DLG2: variants seen among roughly 807,000 people sequenced by gnomAD.
DLG2 encodes disks large homolog 2.
Under a neutral mutation model 132.5 loss-of-function variants are expected in DLG2, and 45 were observed. The ratio of observed to expected loss-of-function variants is 0.34; its 90% confidence interval spans 0.27 to 0.44. DLG2 has a LOEUF of 0.44. Ranked by LOEUF, DLG2 falls within the 20% of genes least tolerant of loss-of-function variation. DLG2 has a pLI of 1.00. For missense variants in DLG2, 1,045 were observed against 1,196.9 expected, an observed-to-expected ratio of 0.87 and a Z score of 1.87; for synonymous variants, 424 against 419.6, an observed-to-expected ratio of 1.01 and a Z score of -0.13.
At chr11:84,806,731 G>A (rs978113271) in intron 6 of DLG2, among the ~76,000 whole-genome samples, 6 of 152,028 alleles carry the variant, frequency 3.9e-5, no homozygotes, top group Admixed American at 1.3e-4. Flanking sequence ...AGAATGCTTC[G>A]AACATCAAAA....
chr11:84,591,742 C>T (rs2099543891), intron 6 of DLG2, among the ~76,000 whole-genome samples: 1 of 152,084 alleles, frequency 6.6e-6, no homozygotes, highest in Non-Finnish European at 1.5e-5. Context: ...CCCAACTTTG[C>T]TACACTTAGA....
chr11:84,181,873 T>C (rs191298382), intron 8 of DLG2, among the ~76,000 whole-genome samples: 4 of 152,160 alleles, frequency 2.6e-5, no homozygotes, highest in Non-Finnish European at 5.9e-5. Flanking sequence ...AGTGCCAAAA[T>C]ACATGGGGGT....
At chr11:84,328,907 T>A (rs957993711) in intron 7 of DLG2, among the ~76,000 whole-genome samples, 1 of 152,236 alleles carries the variant, frequency 6.6e-6, no homozygotes, top group Non-Finnish European at 1.5e-5. Flanking sequence ...TATTTATGCA[T>A]TTTATTCAAT....
chr11:83,699,831 A>G (rs1030921910), intron 18 of DLG2, among the ~76,000 whole-genome samples: 3 of 151,398 alleles, frequency 2.0e-5, no homozygotes. Context: ...CTATCTATCT[A>G]TCTATCTTTC....
intron 3 of DLG2, among the ~76,000 whole-genome samples, chr11:85,568,648 T>C (rs534211007): frequency 2.0e-5 from 3 of 152,316 alleles, no homozygotes; most frequent in Admixed American, 6.5e-5. Flanking sequence ...TGGCAAATTA[T>C]GTGTTTCTAA....
chr11:84,192,402 T>A (rs2096429165), intron 8 of DLG2, among the ~76,000 whole-genome samples: 1 of 152,178 alleles, frequency 6.6e-6, no homozygotes, highest in African/African-American at 2.4e-5. Context: ...TGGGCCTTTT[T>A]ATAATGAGAT....
intron 7 of DLG2, among the ~76,000 whole-genome samples, chr11:84,449,916 C>G (rs1032314029): frequency 6.6e-6 from 1 of 151,688 alleles, no homozygotes; most frequent in Non-Finnish European, 1.5e-5. Flanking sequence ...ATGGTTGATA[C>G]TGAAGTTACA....
At chr11:85,324,492 G>C (rs111562730) in intron 3 of DLG2, among the ~76,000 whole-genome samples, 4,590 of 152,214 alleles carry the variant, frequency 0.03, 93 homozygotes, top group Middle Eastern at 0.071. Flanking sequence ...AAAATCATCT[G>C]AACATCTGAT....
intron 4 of DLG2, among the ~76,000 whole-genome samples, chr11:85,157,156 G>T (rs2077645929): frequency 6.6e-6 from 1 of 152,144 alleles, no homozygotes; most frequent in Non-Finnish European, 1.5e-5. Context: ...TCCTGCCCTT[G>T]AACATTGGAC....
chr11:83,587,446 T>G (rs1209947023), intron 19 of DLG2, among the ~76,000 whole-genome samples: 1 of 152,160 alleles, frequency 6.6e-6, no homozygotes, highest in South Asian at 2.1e-4. Context: ...TTTTTTTATA[T>G]TTTTAACAGA....
intron 14 of DLG2, among the ~76,000 whole-genome samples, chr11:83,955,838 G>A (rs912998054): frequency 1.3e-5 from 2 of 152,246 alleles, no homozygotes; most frequent in South Asian, 4.1e-4. Context: ...TCAAACAATA[G>A]ACTCCAAGTT....
intron 18 of DLG2, among the ~76,000 whole-genome samples, chr11:83,753,737 T>C (rs937423266): frequency 2.2e-5 from 3 of 138,478 alleles, no homozygotes; most frequent in Non-Finnish European, 3.1e-5. Context: ...ATATATATGA[T>C]ATATATATAT....
At chr11:85,119,229 AT>A (rs1273255688) in intron 5 of DLG2, among the ~76,000 whole-genome samples, 1 of 152,030 alleles carries the variant, frequency 6.6e-6, no homozygotes, top group African/African-American at 2.4e-5. Flanking sequence ...AGATAACTAA[AT>A]TTGGGAGCCA....
At chr11:84,128,907 T>G (rs2094299433) in intron 9 of DLG2, among the ~76,000 whole-genome samples, 1 of 152,148 alleles carries the variant, frequency 6.6e-6, no homozygotes, top group African/African-American at 2.4e-5. Context: ...ATAGATCACC[T>G]TTTTTGGCAT....
rs184126180 is a variant in DLG2, at chr11:84,826,976, G to C, written c.357+284685C>G. Reference sequence around the variant, plus strand: ...CTAACAAGGTTTTTCTGTGTGACAGGGGAGAGACTGGATTGAAGAGTATTA... The same window carrying C: ...CTAACAAGGTTTTTCTGTGTGACAGCGGAGAGACTGGATTGAAGAGTATTA... On this transcript the variant is annotated intron_variant, in intron 6 of 27. Coordinates refer to ENST00000376104, the MANE Select transcript of DLG2 (RefSeq NM_001142699.3). Among the ~76,000 whole-genome samples the C allele has an allele frequency of 4.9e-4, 74 of 151,854 alleles. 2 individuals are homozygous for C. The highest frequency in any genetic ancestry group is 1.6e-4 in the Non-Finnish European group (11 of 67,840).
At chr11:84,990,827 C>T (rs2057017768) in intron 6 of DLG2, among the ~76,000 whole-genome samples, 1 of 152,000 alleles carries the variant, frequency 6.6e-6, no homozygotes, top group Non-Finnish European at 1.5e-5. Flanking sequence ...TCTTTGACAA[C>T]TAAACATGCA....
chr11:84,714,595 T>TTC (rs1351118874), intron 6 of DLG2, among the ~76,000 whole-genome samples: 1,834 of 103,420 alleles, frequency 0.018, 80 homozygotes, highest in African/African-American at 0.048. Context: ...CTCTTTCTCT[T>TTC]TCTTTCTCTT....
chr11:85,323,303 A>G (rs944088997), intron 3 of DLG2, among the ~76,000 whole-genome samples: 2 of 152,246 alleles, frequency 1.3e-5, no homozygotes, highest in African/African-American at 4.8e-5. Flanking sequence ...AAAAGTTAAC[A>G]CCATAAACTT....
intron 6 of DLG2, among the ~76,000 whole-genome samples, chr11:84,699,249 G>T (rs187593593): frequency 6.6e-6 from 1 of 151,536 alleles, no homozygotes; most frequent in South Asian, 2.1e-4. Context: ...TAAGTGCTTG[G>T]GCATGTTCCT....
Sources: allele counts gnomAD v4.1 joint callset (sites outside exome capture counted in the v4.1 genomes callset), GRCh38; gene constraint gnomAD v4.1.1; transcripts MANE v1.5; gene names NCBI Gene and HGNC (gene_info 2026-07-23, HGNC 2026-07-21).